The following SGCG variants were observed in gnomAD, a reference collection of about 807,000 sequenced individuals.
SGCG encodes the protein gamma-sarcoglycan.
In SGCG, 26 loss-of-function variants were observed where a neutral mutation model predicts 29.3. The ratio of observed to expected loss-of-function variants is 0.89; its 90% CI spans 0.65 to 1.23. The LOEUF is 1.23. SGCG is among the 50% of genes most tolerant of loss of function. SGCG has a pLI of 0.00. For synonymous variants in SGCG, 145 were observed against 129.7 expected (o/e 1.12, Z -0.80); for missense variants, 353 against 356.0 (o/e 0.99, Z 0.07).
chr13:23,308,567 T>C (rs1260601759), intron 6 of SGCG, among the ~76,000 whole-genome samples: 1 of 152,030 alleles, frequency 6.6e-6, no homozygotes, highest in Non-Finnish European at 1.5e-5. Context: ...TTATTTTTCA[T>C]GTAATTTTTT....
chr13:23,281,341 GTAATAA>G lies in SGCG; in HGVS notation c.505+1902_505+1907del, dbSNP rs57723057. On this transcript the variant is annotated intron_variant, in intron 5 of 7. Coordinates refer to ENST00000218867, the MANE Select transcript of SGCG (RefSeq NM_000231.3). ...GGCAACAGAGTGAGACCGTGTCTCA[GTAATAA>G]TAATAATAATAATAATAATAATAAT... Among the ~76,000 whole-genome samples the G allele has an allele frequency of 5.0e-3, 726 of 146,584 alleles. 5 individuals carry two copies. The highest frequency in any genetic ancestry group is 0.012 in the African/African-American group (489 of 39,172).
At chr13:23,229,058 T>G (rs1037542778) in intron 2 of SGCG, among the ~76,000 whole-genome samples, 1 of 151,936 alleles carries the variant, frequency 6.6e-6, no homozygotes, top group African/African-American at 2.4e-5. Context: ...TTAGTAGAGA[T>G]GGGTTTTCAC....
At chr13:23,322,905 C>T (rs923354827) in intron 7 of SGCG, among the ~76,000 whole-genome samples, 10 of 152,066 alleles carry the variant, frequency 6.6e-5, no homozygotes, top group African/African-American at 1.9e-4. Context: ...GACTCTTATC[C>T]GGCCCTCTCT....
At chr13:23,291,655 C>T (rs1371452193) in intron 5 of SGCG, among the ~76,000 whole-genome samples, 1 of 152,036 alleles carries the variant, frequency 6.6e-6, no homozygotes, top group African/African-American at 2.4e-5. Context: ...TTTATATCTC[C>T]CTGTAAGTAC....
At chr13:23,225,997 T>G (rs1391459402) in intron 2 of SGCG, among the ~76,000 whole-genome samples, 2 of 152,142 alleles carry the variant, frequency 1.3e-5, no homozygotes, top group Non-Finnish European at 1.5e-5. Context: ...ACTTATTCAG[T>G]CAATCCCATT....
upstream of SGCG, among the ~76,000 whole-genome samples, chr13:23,180,206 A>G (rs1876683196): frequency 6.6e-6 from 1 of 152,194 alleles, no homozygotes; most frequent in South Asian, 2.1e-4. Flanking sequence ...TGCAAAATAA[A>G]ATATTAAAAT....
intron 1 of SGCG, among the ~76,000 whole-genome samples, chr13:23,198,954 A>G (rs1388839271): frequency 6.6e-6 from 1 of 151,720 alleles, no homozygotes; most frequent in Non-Finnish European, 1.5e-5. Context: ...TAAAAATACA[A>G]AAAATTAGCG....
intron 3 of SGCG, among the ~76,000 whole-genome samples, chr13:23,241,533 C>G (rs1003684006): frequency 6.6e-6 from 1 of 152,120 alleles, no homozygotes; most frequent in African/African-American, 2.4e-5. Context: ...CTGAATTCTA[C>G]CAAACATTTA....
chr13:23,274,495 C>A (rs867039832), intron 4 of SGCG, among the ~76,000 whole-genome samples: 1 of 148,886 alleles, frequency 6.7e-6, no homozygotes, highest in African/African-American at 2.5e-5. Flanking sequence ...CTCCACCCCC[C>A]AGGTGCAAGC....
At chr13:23,161,472 A>C in the SGCG span, among the ~76,000 whole-genome samples, 1 of 152,208 alleles carries the variant, frequency 6.6e-6, no homozygotes, top group African/African-American at 2.4e-5. Context: ...CTGTTCCTTA[A>C]CACAGGTAAA....
intron 6 of SGCG, among the ~76,000 whole-genome samples, chr13:23,314,382 T>TTTTTTATATATATATATA (rs1240016735): frequency 1.3e-5 from 1 of 78,624 alleles, no homozygotes; most frequent in African/African-American, 5.7e-5. Flanking sequence ...CTGCTATAGG[T>TTTTTTATATATATATATA]TATATATATA....
intron 6 of SGCG, among the ~76,000 whole-genome samples, chr13:23,316,720 A>C (rs1882827644): frequency 1.3e-5 from 2 of 152,148 alleles, no homozygotes. Context: ...TGTTCCTGCG[A>C]CATTACGTTC....
chr13:23,229,090 G>C (rs1423957764), intron 2 of SGCG, among the ~76,000 whole-genome samples: 1 of 151,650 alleles, frequency 6.6e-6, no homozygotes, highest in Non-Finnish European at 1.5e-5. Context: ...GGCTGGTCTT[G>C]AACTCCTAAC....
chr13:23,265,266 A>G (rs1442234125), intron 4 of SGCG, among the ~76,000 whole-genome samples: 3 of 152,002 alleles, frequency 2.0e-5, no homozygotes, highest in African/African-American at 7.3e-5. Flanking sequence ...GAAAAAAAAA[A>G]TGAATAATAT....
At chr13:23,236,244 G>A (rs2137547065) in intron 3 of SGCG, among the ~76,000 whole-genome samples, 1 of 152,304 alleles carries the variant, frequency 6.6e-6, no homozygotes, top group East Asian at 1.9e-4. Context: ...TCAAGTGTTA[G>A]AACTTGGTCT....
At chr13:23,254,698 A>G (rs1880110423) in intron 4 of SGCG, among the ~76,000 whole-genome samples, 1 of 152,142 alleles carries the variant, frequency 6.6e-6, no homozygotes, top group South Asian at 2.1e-4. Flanking sequence ...GGCCCTGAAG[A>G]CATTTCAGAG....
intron 4 of SGCG, 97 bp from the exon 5 acceptor site, chr13:23,279,262 T>G: frequency 6.2e-6 from 7 of 1,124,646 alleles, no homozygotes; most frequent in Non-Finnish European, 9.3e-6. Context: ...AGTCTTTAGA[T>G]ACTTGGTATT....
At chr13:23,265,050 A>G (rs1206377694) in intron 4 of SGCG, among the ~76,000 whole-genome samples, 1 of 152,176 alleles carries the variant, frequency 6.6e-6, no homozygotes, top group Non-Finnish European at 1.5e-5. Context: ...AAATGCAACA[A>G]AAGCAAAAAT....
intron 2 of SGCG, among the ~76,000 whole-genome samples, chr13:23,230,709 A>G (rs1879075801): frequency 6.6e-6 from 1 of 152,212 alleles, no homozygotes; most frequent in Admixed American, 6.5e-5. Context: ...TATTCTCAAT[A>G]TAGAATCATG....
Sources: gnomAD v4.1 joint callset for allele counts (sites outside exome capture counted in the v4.1 genomes callset) on GRCh38, gnomAD v4.1.1 for gene constraint, MANE v1.5 for transcripts, NCBI Gene and HGNC (gene_info 2026-07-23, HGNC 2026-07-21) for gene names.